The following PRKG1 variants were observed in gnomAD, a reference collection of about 807,000 sequenced individuals.
The protein encoded by PRKG1 is cGMP-dependent protein kinase 1.
Under a neutral mutation model 88.1 loss-of-function variants are expected in PRKG1, and 35 were observed. That is an observed-to-expected ratio of 0.40 (90% CI 0.30 to 0.53). The LOEUF is 0.53. Ranked by LOEUF, PRKG1 falls within the 20% of genes least tolerant of loss-of-function variation. PRKG1 has a pLI of 0.59. For synonymous variants in PRKG1, 303 were observed against 292.5 expected, an observed-to-expected ratio of 1.04 and a Z score of -0.37; for missense variants, 540 against 839.8, an observed-to-expected ratio of 0.64 and a Z score of 4.41.
chr10:51,673,606 C>G (rs1303371811), intron 3 of PRKG1, among the ~76,000 whole-genome samples: 3 of 152,074 alleles, frequency 2.0e-5, no homozygotes, highest in Admixed American at 6.6e-5. Context: ...GTTCTCTGGA[C>G]CACTGTAATT....
intron 3 of PRKG1, among the ~76,000 whole-genome samples, chr10:51,640,969 C>T (rs537341407): frequency 6.6e-6 from 1 of 151,672 alleles, no homozygotes; most frequent in African/African-American, 2.4e-5. Flanking sequence ...GTTTTGTAAC[C>T]CTGACTATAC....
At chr10:51,873,919 T>C (rs1841224637) in intron 4 of PRKG1, among the ~76,000 whole-genome samples, 1 of 114,346 alleles carries the variant, frequency 8.7e-6, no homozygotes, top group South Asian at 3.0e-4. Context: ...TTATTTGCAT[T>C]TTTTTTAAAA....
At chr10:51,699,990 G>C (rs1841423934) in intron 3 of PRKG1, among the ~76,000 whole-genome samples, 2 of 152,250 alleles carry the variant, frequency 1.3e-5, no homozygotes, top group Admixed American at 6.5e-5. Context: ...TTAAGGCGGC[G>C]TGTTTTTCGT....
At chr10:51,050,540 T>G (rs560117533) in intron 1 of PRKG1, among the ~76,000 whole-genome samples, 1 of 152,306 alleles carries the variant, frequency 6.6e-6, no homozygotes, top group Non-Finnish European at 1.5e-5. Context: ...ATACACCATA[T>G]TTTCTTTACC....
At chr10:51,366,177 T>G (rs1842586514) in intron 2 of PRKG1, among the ~76,000 whole-genome samples, 2 of 151,960 alleles carry the variant, frequency 1.3e-5, no homozygotes, top group Non-Finnish European at 2.9e-5. Flanking sequence ...TCTGGTATGA[T>G]TCCTCAATCA....
intron 2 of PRKG1, among the ~76,000 whole-genome samples, chr10:51,273,328 T>G (rs1253595826): frequency 7.3e-6 from 1 of 136,742 alleles, no homozygotes; most frequent in South Asian, 2.3e-4. Context: ...CTGGGCAACA[T>G]GACAAAACTC....
chr10:50,997,973 T>G (rs1011929195), intron 1 of PRKG1, among the ~76,000 whole-genome samples: 1 of 152,220 alleles, frequency 6.6e-6, no homozygotes, highest in Non-Finnish European at 1.5e-5. Context: ...GTGAAAACCC[T>G]CTAGGTTGAT....
At chr10:51,541,648 C>T (rs1842305114) in intron 3 of PRKG1, among the ~76,000 whole-genome samples, 2 of 152,082 alleles carry the variant, frequency 1.3e-5, no homozygotes, top group South Asian at 4.2e-4. Flanking sequence ...CATTATATTG[C>T]TCAATATTAC....
At chr10:51,290,235 G>A (rs886476975) in intron 2 of PRKG1, among the ~76,000 whole-genome samples, 1 of 151,910 alleles carries the variant, frequency 6.6e-6, no homozygotes, top group South Asian at 2.1e-4. Context: ...GCGAGATGCT[G>A]TCTCAAAAAA....
At chr10:51,085,100 G>T (rs947488624) in intron 1 of PRKG1, among the ~76,000 whole-genome samples, 1 of 152,184 alleles carries the variant, frequency 6.6e-6, no homozygotes, top group Non-Finnish European at 1.5e-5. Context: ...TCTAAGTTTT[G>T]CTCCTCTGGA....
intron 2 of PRKG1, among the ~76,000 whole-genome samples, chr10:51,259,440 T>C (rs546224802): frequency 6.6e-6 from 1 of 152,358 alleles, no homozygotes; most frequent in African/African-American, 2.4e-5. Flanking sequence ...ACCTCTACAG[T>C]AACCCTATGG....
At chr10:51,328,350 T>G (rs1429539418) in intron 2 of PRKG1, among the ~76,000 whole-genome samples, 2 of 152,174 alleles carry the variant, frequency 1.3e-5, no homozygotes, top group African/African-American at 4.8e-5. Flanking sequence ...TTGTACATGT[T>G]TGTGACATTT....
chr10:51,875,257 T>C (rs1841265221), intron 4 of PRKG1, among the ~76,000 whole-genome samples: 1 of 152,030 alleles, frequency 6.6e-6, no homozygotes, highest in East Asian at 1.9e-4. Flanking sequence ...ATGCGCTTTA[T>C]TAGACCATAC....
chr10:51,456,579 C>A (rs1425485125), intron 2 of PRKG1, among the ~76,000 whole-genome samples: 1 of 151,736 alleles, frequency 6.6e-6, no homozygotes, highest in Non-Finnish European at 1.5e-5. Flanking sequence ...TGCAACAAAA[C>A]CAAAAATAAA....
intron 7 of PRKG1, among the ~76,000 whole-genome samples, chr10:52,083,719 T>C (rs970530309): frequency 1.3e-5 from 2 of 152,074 alleles, no homozygotes; most frequent in Non-Finnish European, 2.9e-5. Flanking sequence ...TGCACATACC[T>C]ACCCTGAGTG....
chr10:51,984,401 CAA>C (rs1036530779), intron 5 of PRKG1, among the ~76,000 whole-genome samples: 1 of 152,098 alleles, frequency 6.6e-6, no homozygotes, highest in African/African-American at 2.4e-5. Flanking sequence ...TAATTATTGA[CAA>C]AATATTTCTT....
chr10:51,641,344 C>A (rs1839795912), intron 3 of PRKG1, among the ~76,000 whole-genome samples: 1 of 152,100 alleles, frequency 6.6e-6, no homozygotes, highest in Non-Finnish European at 1.5e-5. Flanking sequence ...ATTGAGGGGA[C>A]TAGTGGGCTG....
At chr10:51,621,069 ATATG>A (rs1408295122) in intron 3 of PRKG1, among the ~76,000 whole-genome samples, 1 of 144,234 alleles carries the variant, frequency 6.9e-6, no homozygotes, top group African/African-American at 2.5e-5. Flanking sequence ...ACTGACTCCT[ATATG>A]TATGAGTCAT....
intron 7 of PRKG1, among the ~76,000 whole-genome samples, chr10:52,073,268 A>C (rs1453218289): frequency 6.6e-6 from 1 of 152,176 alleles, no homozygotes; most frequent in Admixed American, 6.5e-5. Context: ...TCATATCTGG[A>C]AGACCTTATT....
Sources: gnomAD v4.1 joint callset for allele counts (sites outside exome capture counted in the v4.1 genomes callset) on GRCh38, gnomAD v4.1.1 for gene constraint, MANE v1.5 for transcripts, NCBI Gene and HGNC (gene_info 2026-07-23, HGNC 2026-07-21) for gene names.